The following UPP2 variants were observed in gnomAD, a reference collection of about 807,000 sequenced individuals.
UPP2 encodes UPase 2.
UPP2 carries 23 observed loss-of-function variants against 26.7 expected under a neutral mutation model. That is an observed-to-expected ratio of 0.86 (90% CI 0.62 to 1.22). The LOEUF is 1.22. Ranked by LOEUF, UPP2 falls within the 50% of genes most tolerant of loss-of-function variation. The pLI is 0.00. For synonymous variants in UPP2, 127 were observed against 141.3 expected (o/e 0.90, Z 0.72); for missense variants, 387 against 396.7 (o/e 0.98, Z 0.21).
chr2:158,027,218 G>C (rs1683846727), intron 3 of UPP2, among the ~76,000 whole-genome samples: 2 of 152,060 alleles, frequency 1.3e-5, no homozygotes, highest in African/African-American at 4.8e-5. Flanking sequence ...TCTCATCTGA[G>C]ACAAGGCAAG....
chr2:158,073,768 G>C (rs775693200), intron 3 of UPP2, among the ~76,000 whole-genome samples: 7 of 152,126 alleles, frequency 4.6e-5, no homozygotes, highest in Admixed American at 2.0e-4. Context: ...GAGAAATAAA[G>C]ACTTTCCTAG....
At chr2:158,006,406 C>T (rs887888729) in intron 2 of UPP2, among the ~76,000 whole-genome samples, 19 of 149,878 alleles carry the variant, frequency 1.3e-4, no homozygotes, top group African/African-American at 4.7e-4. Context: ...GAGGCGGAGC[C>T]TCGGCTCTTG....
chr2:158,033,586 C>A (rs1683957725), intron 3 of UPP2, among the ~76,000 whole-genome samples: 1 of 152,126 alleles, frequency 6.6e-6, no homozygotes, highest in Non-Finnish European at 1.5e-5. Flanking sequence ...AATGGGCGGT[C>A]CAGCAGTTGG....
chr2:158,067,830 C>G (rs897739268), intron 3 of UPP2, among the ~76,000 whole-genome samples: 1 of 151,894 alleles, frequency 6.6e-6, no homozygotes, highest in Non-Finnish European at 1.5e-5. Flanking sequence ...TATTTTTCAC[C>G]TTAGCATCTT....
intron 4 of UPP2, among the ~76,000 whole-genome samples, chr2:158,120,049 AT>A (rs984120050): frequency 4.0e-5 from 6 of 151,788 alleles, no homozygotes; most frequent in African/African-American, 1.2e-4. Flanking sequence ...TTAAAAAAAA[AT>A]ATTTCACCCA....
At chr2:157,999,115 T>A (rs547448379) in intron 2 of UPP2, among the ~76,000 whole-genome samples, 55 of 152,340 alleles carry the variant, frequency 3.6e-4, no homozygotes, top group African/African-American at 1.2e-3. Context: ...AGTTTATTTT[T>A]CATCTCACAT....
chr2:158,051,803 A>ACAAC (rs1553465565), intron 3 of UPP2, among the ~76,000 whole-genome samples: 1 of 120,898 alleles, frequency 8.3e-6, no homozygotes, highest in Non-Finnish European at 1.8e-5. Context: ...AACAACAACA[A>ACAAC]AACAAAACAA....
intron 3 of UPP2, among the ~76,000 whole-genome samples, chr2:158,045,167 A>C (rs1488262398): frequency 6.6e-6 from 1 of 152,100 alleles, no homozygotes; most frequent in African/African-American, 2.4e-5. Flanking sequence ...GACAGGAGGA[A>C]TTTTCAAAAT....
chr2:158,073,411 T>G (rs770383936), intron 3 of UPP2, among the ~76,000 whole-genome samples: 37 of 151,440 alleles, frequency 2.4e-4, no homozygotes, highest in Non-Finnish European at 4.1e-4. Context: ...AAGATAGGAG[T>G]AGAAAGTTTA....
intron 3 of UPP2, among the ~76,000 whole-genome samples, chr2:158,048,722 G>C (rs984013392): frequency 6.6e-6 from 1 of 152,226 alleles, no homozygotes; most frequent in African/African-American, 2.4e-5. Context: ...TGTTTAAAGA[G>C]TATTAAAAAA....
intron 3 of UPP2, among the ~76,000 whole-genome samples, chr2:158,087,065 G>C (rs1332874045): frequency 6.6e-6 from 1 of 152,180 alleles, no homozygotes; most frequent in East Asian, 1.9e-4. Flanking sequence ...ATGATGACGT[G>C]TCTATTGCTG....
intron 3 of UPP2, among the ~76,000 whole-genome samples, chr2:158,064,134 T>C (rs1682397496): frequency 6.6e-6 from 1 of 152,246 alleles, no homozygotes; most frequent in Non-Finnish European, 1.5e-5. Context: ...CTGGGTCAAA[T>C]GGTATTTCTA....
chr2:157,997,862 C>T (rs1006578878), intron 2 of UPP2, among the ~76,000 whole-genome samples: 1 of 152,182 alleles, frequency 6.6e-6, no homozygotes, highest in African/African-American at 2.4e-5. Context: ...TACCACTAAA[C>T]GTTTGGACAG....
At chr2:158,080,236 TTTC>T (rs1478849794) in intron 3 of UPP2, among the ~76,000 whole-genome samples, 8 of 152,270 alleles carry the variant, frequency 5.3e-5, no homozygotes, top group African/African-American at 1.9e-4. Flanking sequence ...TAATATATAT[TTTC>T]TTATTTTATC....
upstream of UPP2, among the ~76,000 whole-genome samples, chr2:158,101,041 T>C (rs1474827856): frequency 6.6e-6 from 1 of 152,164 alleles, no homozygotes; most frequent in East Asian, 1.9e-4. Context: ...CCAAGCATAT[T>C]AGGAGGTGTC....
At chr2:158,117,065 G>T (rs907835839) in intron 3 of UPP2, among the ~76,000 whole-genome samples, 5 of 152,058 alleles carry the variant, frequency 3.3e-5, no homozygotes, top group African/African-American at 1.2e-4. Context: ...GTTATGTCAG[G>T]AATTAAGTTA....
rs541886154 is a variant in UPP2 at position 158,129,769 on chromosome 2, G to T, written c.812-4979G>T. 9.6e-3 allele frequency among the ~76,000 whole-genome samples: 1,403 copies of T among 145,838 alleles called. 21 individuals carry two copies. Among genetic ancestry groups the T allele is most frequent in the African/African-American group, 0.033 (1,287 of 38,506 alleles). ...GAAATAGATAGGAAGGTTTTTTTTTGTTTGTTTTTTTTTTGAGACAAGGTC... is the reference window on the plus strand; with the variant it reads ...GAAATAGATAGGAAGGTTTTTTTTTTTTTGTTTTTTTTTTGAGACAAGGTC... On this transcript the variant is annotated intron_variant, in intron 6 of 6. Coordinates refer to ENST00000005756, the MANE Select transcript of UPP2 (RefSeq NM_173355.4).
At chr2:158,050,911 TAA>T (rs1345825552) in intron 3 of UPP2, among the ~76,000 whole-genome samples, 1 of 152,108 alleles carries the variant, frequency 6.6e-6, no homozygotes, top group African/African-American at 2.4e-5. Context: ...TAAAAATAAC[TAA>T]AAGAGTATAA....
intron 6 of UPP2, among the ~76,000 whole-genome samples, chr2:158,129,778 T>G (rs950134553): frequency 2.0e-5 from 3 of 151,942 alleles, no homozygotes; most frequent in African/African-American, 7.2e-5. Flanking sequence ...TGTTTGTTTT[T>G]TTTTTGAGAC....
Sources: allele counts gnomAD v4.1 joint callset (sites outside exome capture counted in the v4.1 genomes callset), GRCh38; gene constraint gnomAD v4.1.1; transcripts MANE v1.5; gene names NCBI Gene and HGNC (gene_info 2026-07-23, HGNC 2026-07-21).